The following CD7 variants were observed in gnomAD, a reference collection of about 807,000 sequenced individuals.
CD7 encodes the protein CD7 molecule.
In CD7, 19 loss-of-function variants were observed where a neutral mutation model predicts 17.6. That is an observed-to-expected ratio of 1.08 (90% CI 0.75 to 1.58). The LOEUF is 1.58. Among genes scored for constraint, CD7 ranks in the 40% most tolerant of loss-of-function variants. The probability of loss-of-function intolerance (pLI) is 0.00; values close to 1 mark genes in which losing one functional copy is unlikely to be tolerated. For synonymous variants in CD7, 160 were observed against 159.8 expected, an observed-to-expected ratio of 1.00 and a Z score of -0.01; for missense variants, 291 against 327.1, an observed-to-expected ratio of 0.89 and a Z score of 0.85.
At chr17:82,315,698 CCAGA>C (rs904672981) in intron 3 of CD7, 10 of 548,404 alleles carry the variant, frequency 1.8e-5, no homozygotes, top group African/African-American at 3.8e-5. Flanking sequence ...CACTCCAGCC[CCAGA>C]CAAACAGCAG....
chr17:82,317,604 G>C lies in CD7; in HGVS notation c.-109C>G. 9.6e-7 allele frequency: 1 copy of C among 1,044,756 alleles called. No individual in the cohort carries two copies. Among genetic ancestry groups the C allele is most frequent in the Non-Finnish European group, 1.3e-6 (1 of 740,948 alleles). 64.7% of individuals were successfully genotyped at this position (1,044,756 alleles called of 1,614,324 possible). On this transcript the variant is annotated 5_prime_UTR_variant, in exon 1 of 4. Coordinates refer to ENST00000312648, the MANE Select transcript of CD7 (RefSeq NM_006137.7). ...GGAGACCGCAGGCGCTCAGAGCTCA[G>C]AGAGGGCTTCCTGGAGGCGGTGCCT...
chr17:82,316,296 G>A lies in CD7; in HGVS notation c.511C>T (p.Pro171Ser). 1 of 1,567,610 alleles carries A rather than the reference G, an allele frequency of 6.4e-7. No homozygotes were observed. The highest frequency in any genetic ancestry group is 8.7e-7 in the Non-Finnish European group (1 of 1,154,400). Residue 171 changes from proline to serine, a missense_variant, in exon 3 of 4, where the codon CCT becomes TCT. By Grantham distance (74) the Pro-to-Ser change is moderately conservative. Coordinates refer to ENST00000312648, the MANE Select transcript of CD7 (RefSeq NM_006137.7). ...LPDPQTASAL[P>S]DPPAASALPA... ...AGGGCAGAGGCTGCTGGCGGGTCAG[G>A]GAGGGCAGAGGCTGTCTGCGGGTCA...
Position 82,316,662 on chromosome 17 carries a change from C to G in CD7, c.397+5G>C. ...AGGGGGGTCTGGGATGGGCACATTCCCTACCTGTCACCAGGACCAGGGTGC... is the reference window on the plus strand; with the variant it reads ...AGGGGGGTCTGGGATGGGCACATTCGCTACCTGTCACCAGGACCAGGGTGC... On this transcript the variant is annotated splice_donor_5th_base_variant and intron_variant, in intron 2 of 3. Coordinates refer to ENST00000312648, the MANE Select transcript of CD7 (RefSeq NM_006137.7). 6.2e-7 allele frequency: 1 copy of G among 1,608,992 alleles called. No individual in the cohort carries two copies. Among genetic ancestry groups the G allele is most frequent in the East Asian group, 2.2e-5 (1 of 44,872 alleles).
intron 3 of CD7, chr17:82,315,880 G>A: frequency 1.7e-6 from 1 of 599,082 alleles, no homozygotes; most frequent in Non-Finnish European, 2.9e-6. Flanking sequence ...CAGCGCCTGG[G>A]CGCTCCCTCC....
Position 82,315,038 on chromosome 17 carries a change from A to C in CD7, c.*283T>G. On this transcript the variant is annotated 3_prime_UTR_variant, in exon 4 of 4. Coordinates refer to ENST00000312648, the MANE Select transcript of CD7 (RefSeq NM_006137.7). ...TCCCACAGAAAAGCCCTCCTTGGCCATGGTCGGGAGATGCAGCCAAAGGAC... is the reference window on the plus strand; with the variant it reads ...TCCCACAGAAAAGCCCTCCTTGGCCCTGGTCGGGAGATGCAGCCAAAGGAC... 1.0e-5 allele frequency: 4 copies of C among 381,236 alleles called. No individual in the cohort carries two copies. Among genetic ancestry groups the C allele is most frequent in the East Asian group, 5.5e-5 (1 of 18,222 alleles). The allele number at this position is 381,236 out of a possible 1,614,324, so 23.6% of individuals were successfully genotyped here.
chr17:82,316,303 A>G lies in CD7; in HGVS notation c.504T>C (p.Ser168=), dbSNP rs560319694. ...AGGCTGCTGGCGGGTCAGGGAGGGC[A>G]GAGGCTGTCTGCGGGTCAGGGAGGG... The part of the protein sequence containing the change: ...GSALPDPQTA[S]ALPDPPAASA... Residue 168 remains serine (S), a synonymous_variant, in exon 3 of 4, where the codon TCT becomes TCC. Transcript: ENST00000312648. The G allele has an allele frequency of 3.3e-6, 5 of 1,533,484 alleles. No homozygotes were observed. The African/African-American group carries it at 6.8e-5, about 21-fold the overall frequency. 95.0% of individuals were successfully genotyped at this position (1,533,484 alleles called of 1,614,324 possible). A position where few individuals can be genotyped will look rare whatever the true frequency, so the allele number is the denominator to read the frequency against.
intron 2 of CD7, 98 bp from the exon 3 acceptor site, chr17:82,316,507 G>A (rs919018801): frequency 3.9e-6 from 5 of 1,291,566 alleles, no homozygotes; most frequent in Non-Finnish European, 5.4e-6. Flanking sequence ...GTGGAGGGGA[G>A]GAGGGGCAGC....
chr17:82,316,905 G>A lies in CD7; in HGVS notation c.159C>T (p.Gly53=), dbSNP rs755473006. The A allele has an allele frequency of 3.1e-6, 5 of 1,612,434 alleles. No individual in the cohort carries two copies. In the South Asian group the frequency reaches 3.3e-5, roughly 11 times the overall value. Residue 53 remains glycine, a synonymous_variant, in exon 2 of 4, where the codon GGC becomes GGT. Transcript: ENST00000312648. ...SVNITCSTSG[G]LRGIYLRQLG... ...GCTGCCTCAGGTAGATCCCACGCAG[G>A]CCCCCGCTGGTGGAGCAGGTGATGT... is the stretch of plus-strand genomic sequence containing the variant.
chr17:82,315,970 C>T (rs566945671), intron 3 of CD7: 13 of 649,202 alleles, frequency 2.0e-5, no homozygotes, highest in South Asian at 3.4e-5. Flanking sequence ...CGCGCACACG[C>T]GCACACGCGG....
chr17:82,315,958 C>CACGCGCAT (rs1201474290), intron 3 of CD7: 2 of 638,790 alleles, frequency 3.1e-6, no homozygotes, highest in Non-Finnish European at 5.5e-6. Flanking sequence ...CACACCTGCA[C>CACGCGCAT]ACGCGCACAC....
chr17:82,316,997 G>C lies in CD7; in HGVS notation c.83-16C>G, dbSNP rs751182812. 10 of 1,565,490 alleles carry C rather than the reference G, an allele frequency of 6.4e-6. No homozygotes were observed. In the African/African-American group the frequency reaches 1.3e-4, roughly 21 times the overall value. On this transcript the variant is annotated splice_polypyrimidine_tract_variant and intron_variant, in intron 1 of 3. Coordinates refer to ENST00000312648, the MANE Select transcript of CD7 (RefSeq NM_006137.7). ...TGCTGCACCTCTGGGGAGGACCTGG[G>C]CTGTCACCATCAGTCTGGCCAGAAG...
rs534643401 is a variant in CD7 at position 82,316,316 on chromosome 17, G to C, written c.491C>G (p.Pro164Arg). 1 of 1,574,036 alleles carries C rather than the reference G, an allele frequency of 6.4e-7. No individual in the cohort carries two copies. The highest frequency in any genetic ancestry group is 1.7e-4 in the Middle Eastern group (1 of 5,948). Residue 164 changes from proline (P) to arginine (R), a missense_variant, in exon 3 of 4, where the codon CCG becomes CGG. Pro to Arg is a moderately radical substitution (Grantham distance 103, BLOSUM62 -2). Transcript: ENST00000312648. ...APPTGSALPD[P>R]QTASALPDPP... is the part of the protein sequence containing the mutation. ...GTCAGGGAGGGCAGAGGCTGTCTGCGGGTCAGGGAGGGCGGAGCCTGTCGG... is the reference window on the plus strand; with the variant it reads ...GTCAGGGAGGGCAGAGGCTGTCTGCCGGTCAGGGAGGGCGGAGCCTGTCGG...
chr17:82,315,487 A>AC (rs2052000979), intron 3 of CD7, 56 bp from the exon 4 acceptor site: 4 of 1,339,598 alleles, frequency 3.0e-6, no homozygotes, highest in Non-Finnish European at 4.3e-6. Flanking sequence ...CCTGGACCCC[A>AC]CCCCACTCCG....
At chr17:82,315,996 T>G in intron 3 of CD7, 199 bp downstream of exon 3, 2 of 677,668 alleles carry the variant, frequency 3.0e-6, no homozygotes, top group South Asian at 3.2e-5. Flanking sequence ...GCGCCTGGGC[T>G]GCTCCCTCCC....
At position 82,316,898 on chromosome 17, in the gene CD7, C is replaced by A. The variant is rs369560649; in HGVS notation, c.166G>T (p.Gly56Trp). 7.0e-5 allele frequency: 113 copies of A among 1,612,954 alleles called. No individual in the cohort carries two copies. The highest frequency in any genetic ancestry group is 9.3e-5 in the Non-Finnish European group (110 of 1,179,952). Residue 56 changes from glycine (G) to tryptophan (W), a missense_variant, in exon 2 of 4, where the codon GGG becomes TGG. Physicochemically the swap from Gly to Trp is radical, Grantham distance 184. Transcript: ENST00000312648. ...ITCSTSGGLR[G>W]IYLRQLGPQP... Reference sequence around the variant, plus strand: ...GGCCCGAGCTGCCTCAGGTAGATCCCACGCAGGCCCCCGCTGGTGGAGCAG... The same window carrying A: ...GGCCCGAGCTGCCTCAGGTAGATCCAACGCAGGCCCCCGCTGGTGGAGCAG...
Position 82,315,342 on chromosome 17 carries a change from G to A in CD7, c.702C>T (p.Ser234=), listed in dbSNP as rs2051998148. Reference sequence around the variant, plus strand: ...TGGGTCACTGGTACTGGTTGGGGGAGGACAGCGTGTTGCAGCGGCTGTGCG... The same window carrying A: ...TGGGTCACTGGTACTGGTTGGGGGAAGACAGCGTGTTGCAGCGGCTGTGCG... ...DMSHSRCNTL[S]SPNQYQ Residue 234 remains serine (S), a synonymous_variant, in exon 4 of 4, where the codon TCC becomes TCT. Transcript: ENST00000312648. The A allele has an allele frequency of 3.1e-6, 5 of 1,613,292 alleles. No individual in the cohort carries two copies. Among genetic ancestry groups the A allele is most frequent in the Middle Eastern group, 1.7e-4 (1 of 6,046 alleles).
chr17:82,316,647 G>A lies in CD7; in HGVS notation c.397+20C>T, dbSNP rs2052018943. On this transcript the variant is annotated intron_variant, in intron 2 of 3. Transcript: ENST00000312648. ...GCAGCTGGGGTTGGGAGGGGGGTCT[G>A]GGATGGGCACATTCCCTACCTGTCA... 6.2e-7 allele frequency: 1 copy of A among 1,604,654 alleles called. No individual in the cohort carries two copies. Among genetic ancestry groups the A allele is most frequent in the East Asian group, 2.2e-5 (1 of 44,870 alleles).
At chr17:82,315,830 C>G (rs1272200040) in intron 3 of CD7, 3 of 591,094 alleles carry the variant, frequency 5.1e-6, no homozygotes. Context: ...CAGAGATCCC[C>G]ACACACAGGC....
chr17:82,317,540 C>G lies in CD7; in HGVS notation c.-45G>C, dbSNP rs569016153. 4 of 1,510,278 alleles carry G rather than the reference C, an allele frequency of 2.6e-6. No homozygotes were observed. The African/African-American group carries it at 5.5e-5, about 21-fold the overall frequency. The allele number at this position is 1,510,278 out of a possible 1,614,324, so 93.6% of individuals were successfully genotyped here. ...CCCAGCCGGGCGAGTGCAGCTGAGC[C>G]TCTCTGGGTCTACAGGACCCCACAG... On this transcript the variant is annotated 5_prime_UTR_variant, in exon 1 of 4. Transcript: ENST00000312648.
Sources: allele counts gnomAD v4.1 joint callset, GRCh38; gene constraint gnomAD v4.1.1; transcripts MANE v1.5; gene names NCBI Gene and HGNC (gene_info 2026-07-23, HGNC 2026-07-21).